Variants in NELL2 observed in about 807,000 individuals in gnomAD.
NELL2 encodes neural EGFL like 2, also known as protein kinase C-binding protein NELL2.
A neutral mutation model predicts 109.6 loss-of-function variants in NELL2; 41 were observed. That is an observed-to-expected ratio of 0.37 (90% CI 0.29 to 0.49). The LOEUF (loss-of-function observed/expected upper bound fraction) is 0.49. Ranked by LOEUF, NELL2 falls within the 20% of genes least tolerant of loss-of-function variation. NELL2 has a pLI of 0.98. For missense variants in NELL2, 900 were observed against 1,008.3 expected (o/e 0.89, Z 1.45); for synonymous variants, 355 against 344.7 (o/e 1.03, Z -0.33).
At chr12:44,547,288 G>A (rs1349621) in intron 15 of NELL2, among the ~76,000 whole-genome samples, 69,791 of 152,036 alleles carry the variant, frequency 0.46, 17,391 homozygotes, top group East Asian at 0.69. Context: ...TAGAGCACAG[G>A]AAATGATCTA....
At chr12:44,889,546 G>A (rs978359626) in intron 1 of NELL2, among the ~76,000 whole-genome samples, 2 of 152,008 alleles carry the variant, frequency 1.3e-5, no homozygotes, top group Non-Finnish European at 2.9e-5. Context: ...TTCTGGTCCT[G>A]TTTAAGGTTT....
At chr12:44,553,266 T>TAAA (rs35750450) in intron 15 of NELL2, among the ~76,000 whole-genome samples, 1 of 139,628 alleles carries the variant, frequency 7.2e-6, no homozygotes, top group Non-Finnish European at 1.5e-5. Context: ...ACTTAAAGTA[T>TAAA]AATAATAATA....
intron 13 of NELL2, among the ~76,000 whole-genome samples, chr12:44,658,895 A>AG (rs1566104150): frequency 2.0e-5 from 3 of 150,626 alleles, no homozygotes; most frequent in Non-Finnish European, 3.0e-5. Context: ...AAAAAAAAAA[A>AG]AAAAGAAAAG....
chr12:44,898,355 C>T (rs1219067558), intron 1 of NELL2, among the ~76,000 whole-genome samples: 4 of 152,154 alleles, frequency 2.6e-5, no homozygotes, highest in Non-Finnish European at 5.9e-5. Flanking sequence ...TACAAGAGAG[C>T]TCCGGCTGGC....
intron 15 of NELL2, among the ~76,000 whole-genome samples, chr12:44,563,008 C>T (rs1022458386): frequency 6.6e-6 from 1 of 152,186 alleles, no homozygotes; most frequent in Admixed American, 6.5e-5. Context: ...GAGTTCCTGT[C>T]CTTTGCAGGG....
At chr12:44,643,868 T>A (rs1007074919) in intron 13 of NELL2, among the ~76,000 whole-genome samples, 1 of 152,140 alleles carries the variant, frequency 6.6e-6, no homozygotes, top group Non-Finnish European at 1.5e-5. Flanking sequence ...AACAAAAAAG[T>A]GTGTCTGTAC....
intron 15 of NELL2, among the ~76,000 whole-genome samples, chr12:44,585,374 G>A (rs1052836378): frequency 7.9e-5 from 12 of 152,124 alleles, no homozygotes; most frequent in Non-Finnish European, 1.6e-4. Context: ...GGCTGAGGGA[G>A]GCGGATCATC....
chr12:44,751,089 C>T (rs1940630053), intron 9 of NELL2, among the ~76,000 whole-genome samples: 1 of 152,016 alleles, frequency 6.6e-6, no homozygotes, highest in Non-Finnish European at 1.5e-5. Flanking sequence ...TCATTGAATG[C>T]TTAAGCAGGC....
intron 15 of NELL2, among the ~76,000 whole-genome samples, chr12:44,582,661 G>T (rs905339538): frequency 1.3e-5 from 2 of 152,086 alleles, no homozygotes; most frequent in African/African-American, 2.4e-5. Flanking sequence ...ATAAGGTCAA[G>T]GTTATGACCA....
intron 1 of NELL2, among the ~76,000 whole-genome samples, chr12:44,896,709 G>A (rs1945596903): frequency 6.6e-6 from 1 of 152,208 alleles, no homozygotes; most frequent in African/African-American, 2.4e-5. Flanking sequence ...GAAATTTTCA[G>A]AGGAGGGAGT....
At chr12:44,820,812 C>T (rs1943517306) in intron 2 of NELL2, among the ~76,000 whole-genome samples, 1 of 152,020 alleles carries the variant, frequency 6.6e-6, no homozygotes, top group African/African-American at 2.4e-5. Context: ...TTTTAAAATG[C>T]CATATAACAT....
chr12:44,855,180 G>A (rs766476574), intron 2 of NELL2, among the ~76,000 whole-genome samples: 24 of 152,126 alleles, frequency 1.6e-4, no homozygotes, highest in Admixed American at 4.6e-4. Context: ...ACAGCAATTG[G>A]TAGTTAGTGG....
upstream of NELL2, among the ~76,000 whole-genome samples, chr12:44,918,529 G>GTC (rs1426310288): frequency 1.4e-5 from 2 of 148,096 alleles, no homozygotes; most frequent in Non-Finnish European, 3.0e-5. Context: ...GTGTGTGTGT[G>GTC]TGTGTGTGTG....
intron 13 of NELL2, among the ~76,000 whole-genome samples, chr12:44,635,319 G>C (rs1297005471): frequency 2.0e-5 from 3 of 152,122 alleles, no homozygotes; most frequent in African/African-American, 7.2e-5. Flanking sequence ...GGCTTTTGTT[G>C]CCATTGCTTT....
intron 15 of NELL2, among the ~76,000 whole-genome samples, chr12:44,563,621 T>G (rs1160699571): frequency 2.0e-5 from 3 of 152,172 alleles, no homozygotes; most frequent in Admixed American, 2.0e-4. Flanking sequence ...AAGAAACCCA[T>G]TAGCTCTTAA....
At chr12:44,842,390 T>C (rs917867808) in intron 2 of NELL2, among the ~76,000 whole-genome samples, 8 of 152,078 alleles carry the variant, frequency 5.3e-5, no homozygotes, top group African/African-American at 1.2e-4. Context: ...GATATACATA[T>C]AGAAAAAAAT....
At chr12:44,618,278 A>C (rs1017352288) in intron 13 of NELL2, among the ~76,000 whole-genome samples, 2 of 152,130 alleles carry the variant, frequency 1.3e-5, no homozygotes, top group Non-Finnish European at 2.9e-5. Context: ...TCTATTCAAT[A>C]CTGACTTCTT....
intron 1 of NELL2, among the ~76,000 whole-genome samples, chr12:44,890,445 T>A (rs1434644388): frequency 2.6e-5 from 4 of 152,216 alleles, no homozygotes; most frequent in Non-Finnish European, 4.4e-5. Context: ...AACTAATTAA[T>A]TTCAGAGTAG....
intron 13 of NELL2, among the ~76,000 whole-genome samples, chr12:44,651,999 T>C (rs1947316419): frequency 6.6e-6 from 1 of 152,148 alleles, no homozygotes; most frequent in Non-Finnish European, 1.5e-5. Flanking sequence ...CAGATTTTAA[T>C]GACAAAATAT....
Sources: allele counts gnomAD v4.1 joint callset (sites outside exome capture counted in the v4.1 genomes callset), GRCh38; gene constraint gnomAD v4.1.1; transcripts MANE v1.5; gene names NCBI Gene and HGNC (gene_info 2026-07-23, HGNC 2026-07-21).